Variants in THSD4 observed in about 807,000 individuals in gnomAD.
THSD4 encodes thrombospondin type 1 domain containing 4, also known as thrombospondin type-1 domain-containing protein 4.
THSD4 carries 69 observed loss-of-function variants against 119.0 expected under a neutral mutation model. The observed-to-expected ratio is 0.58, with a 90% CI of 0.48 to 0.71. THSD4 has a LOEUF of 0.71. Among genes scored for constraint, THSD4 ranks in the 30% least tolerant of loss-of-function variants. THSD4 has a pLI of 0.00. For synonymous variants in THSD4, 524 were observed against 540.4 expected (o/e 0.97, Z 0.42); for missense variants, 1,393 against 1,391.1 (o/e 1.00, Z -0.02).
At chr15:71,543,860 T>C (rs2048797831) in intron 7 of THSD4, among the ~76,000 whole-genome samples, 1 of 152,010 alleles carries the variant, frequency 6.6e-6, no homozygotes, top group Admixed American at 6.6e-5. Context: ...AAACCCTGTC[T>C]CTACTAAAAA....
intron 7 of THSD4, among the ~76,000 whole-genome samples, chr15:71,477,605 T>G (rs1566998988): frequency 6.6e-6 from 1 of 152,216 alleles, no homozygotes; most frequent in Non-Finnish European, 1.5e-5. Context: ...GCAACTCTTC[T>G]ATCTGTAGGT....
chr15:71,326,689 AAAAAAAAAAAAATATATATATAT>A (rs1458225867), intron 6 of THSD4, among the ~76,000 whole-genome samples: 4 of 53,434 alleles, frequency 7.5e-5, no homozygotes, highest in Non-Finnish European at 1.4e-4. Flanking sequence ...AAAAAAAAAA[AAAAAAAAAAAAATATATATATAT>A]ATATATATAT....
At chr15:71,465,441 C>T (rs948299034) in intron 7 of THSD4, among the ~76,000 whole-genome samples, 1 of 152,126 alleles carries the variant, frequency 6.6e-6, no homozygotes, top group Non-Finnish European at 1.5e-5. Flanking sequence ...TTCCTGCTAC[C>T]TTTTGGGGGT....
At chr15:71,415,322 G>T (rs966843076) in intron 7 of THSD4, among the ~76,000 whole-genome samples, 1 of 152,204 alleles carries the variant, frequency 6.6e-6, no homozygotes, top group Admixed American at 6.5e-5. Flanking sequence ...TGAATGCTCT[G>T]TTTCAGCTCA....
chr15:71,546,723 G>A (rs550311353), intron 7 of THSD4, among the ~76,000 whole-genome samples: 2 of 152,326 alleles, frequency 1.3e-5, no homozygotes, highest in South Asian at 2.1e-4. Flanking sequence ...TACAACTGGT[G>A]CACAAACACA....
At chr15:71,608,243 T>TACACACACACAC (rs1358546603) in intron 7 of THSD4, among the ~76,000 whole-genome samples, 3 of 82,782 alleles carry the variant, frequency 3.6e-5, no homozygotes, top group African/African-American at 1.1e-4. Context: ...AAAAAATATA[T>TACACACACACAC]ATATATACAC....
intron 6 of THSD4, among the ~76,000 whole-genome samples, chr15:71,324,190 CTTT>C (rs541872845): frequency 6.9e-6 from 1 of 144,654 alleles, no homozygotes. Context: ...TTTTTGTGTT[CTTT>C]TTTTTTTTTA....
intron 3 of THSD4, among the ~76,000 whole-genome samples, chr15:71,155,670 T>A (rs989043449): frequency 6.6e-6 from 1 of 152,150 alleles, no homozygotes; most frequent in African/African-American, 2.4e-5. Flanking sequence ...TTACCCTCTC[T>A]TGGGGCACCT....
chr15:71,484,933 C>T (rs1252695003), intron 7 of THSD4, among the ~76,000 whole-genome samples: 4 of 152,206 alleles, frequency 2.6e-5, no homozygotes, highest in Non-Finnish European at 5.9e-5. Flanking sequence ...CAGAGGCAGA[C>T]ATCTGGTCCA....
chr15:71,442,483 C>A (rs897602543), intron 7 of THSD4, among the ~76,000 whole-genome samples: 1 of 146,286 alleles, frequency 6.8e-6, no homozygotes, highest in Non-Finnish European at 1.5e-5. Context: ...GCAGAAGAAT[C>A]GCTTGAACCC....
intron 7 of THSD4, among the ~76,000 whole-genome samples, chr15:71,611,539 T>G (rs565387886): frequency 1.6e-4 from 24 of 152,330 alleles, no homozygotes; most frequent in Admixed American, 1.0e-3. Flanking sequence ...AACACCTGCT[T>G]TGTGCTAAGC....
rs185257800 is a variant in THSD4, at chr15:71,391,115, G to A, written c.1016-20572G>A. ...ACAATCTCGGCTCACTGCAAGCTCC[G>A]CCTCCCGGGTTCACACCATTCTCCT... On this transcript the variant is annotated intron_variant, in intron 6 of 17. Coordinates refer to ENST00000261862, the MANE Select transcript of THSD4 (RefSeq NM_024817.3). Among the ~76,000 whole-genome samples the A allele has an allele frequency of 3.4e-3, 514 of 149,950 alleles. 4 individuals are homozygous for A. The highest frequency in any genetic ancestry group is 0.012 in the African/African-American group (484 of 40,688).
intron 1 of THSD4, among the ~76,000 whole-genome samples, chr15:71,133,812 GT>G (rs998314737): frequency 4.6e-5 from 7 of 152,180 alleles, no homozygotes; most frequent in Admixed American, 1.3e-4. Context: ...CCTGGGAAAC[GT>G]TTTTTTAGGA....
intron 7 of THSD4, among the ~76,000 whole-genome samples, chr15:71,442,897 G>A (rs980039197): frequency 7.9e-5 from 12 of 151,102 alleles, no homozygotes; most frequent in South Asian, 4.2e-4. Context: ...CTTTTACTGT[G>A]TTTCCAGTCC....
intron 4 of THSD4, among the ~76,000 whole-genome samples, chr15:71,236,971 C>T (rs558386301): frequency 5.9e-5 from 9 of 152,194 alleles, no homozygotes; most frequent in African/African-American, 2.2e-4. Flanking sequence ...TTTTGGGAAA[C>T]GATGCTGGAG....
At chr15:71,517,730 C>G (rs767040213) in intron 7 of THSD4, among the ~76,000 whole-genome samples, 13 of 152,214 alleles carry the variant, frequency 8.5e-5, no homozygotes, top group Non-Finnish European at 1.3e-4. Flanking sequence ...TACTCTACTC[C>G]TCATCCAAAG....
At chr15:71,252,961 G>A (rs1010494723) in intron 5 of THSD4, among the ~76,000 whole-genome samples, 9 of 152,132 alleles carry the variant, frequency 5.9e-5, no homozygotes, top group Non-Finnish European at 5.9e-5. Flanking sequence ...TTCCACGTCC[G>A]GGCCCAAGAA....
intron 6 of THSD4, among the ~76,000 whole-genome samples, chr15:71,400,728 C>G (rs1486315142): frequency 1.6e-4 from 25 of 152,054 alleles, no homozygotes; most frequent in Non-Finnish European, 1.3e-4. Flanking sequence ...TTACACTTCA[C>G]TCATCAGCAT....
chr15:71,518,323 C>T (rs1211563372), intron 7 of THSD4, among the ~76,000 whole-genome samples: 1 of 150,420 alleles, frequency 6.6e-6, no homozygotes, highest in Non-Finnish European at 1.5e-5. Flanking sequence ...AGCTTTAAAA[C>T]GTTAAATATG....
Sources: allele counts gnomAD v4.1 joint callset (sites outside exome capture counted in the v4.1 genomes callset), GRCh38; gene constraint gnomAD v4.1.1; transcripts MANE v1.5; gene names NCBI Gene and HGNC (gene_info 2026-07-23, HGNC 2026-07-21).